The following CCR7 variants were observed in gnomAD, a reference collection of about 807,000 sequenced individuals.
The protein encoded by CCR7 is C-C motif chemokine receptor 7, also known as C-C chemokine receptor type 7.
Under a neutral mutation model 26.0 loss-of-function variants are expected in CCR7, and 11 were observed. That is an observed-to-expected ratio of 0.42 (90% CI 0.27 to 0.70). CCR7 has a LOEUF of 0.70. Among genes scored for constraint, CCR7 ranks in the 30% least tolerant of loss-of-function variants. The probability of loss-of-function intolerance (pLI) is 0.23; values close to 1 mark genes in which losing one functional copy is unlikely to be tolerated. For missense variants in CCR7, 360 were observed against 504.0 expected (o/e 0.71, Z 2.74); for synonymous variants, 189 against 202.1 (o/e 0.94, Z 0.55).
At position 40,554,892 on chromosome 17, in the gene CCR7, G is replaced by T; in HGVS notation, c.987C>A (p.Ile329=). The change falls in exon 3 of 3, where the codon ATC becomes ATA. Residue 329 remains isoleucine, a synonymous_variant. Coordinates refer to ENST00000246657, the MANE Select transcript of CCR7 (RefSeq NM_001838.4). The part of the protein sequence containing the change: ...CCVNPFLYAF[I]GVKFRNDLFK... ...AGAGATCGTTGCGGAACTTGACGCC[G>T]ATGAAGGCGTACAAGAAAGGGTTGA... 6.2e-7 allele frequency: 1 copy of T among 1,614,206 alleles called. No individual in the cohort carries two copies. The highest frequency in any genetic ancestry group is 8.5e-7 in the Non-Finnish European group (1 of 1,180,026).
rs1264929114 is a variant in CCR7 at position 40,555,339 on chromosome 17, C to A, written c.540G>T (p.Val180=). The A allele has an allele frequency of 1.9e-6, 3 of 1,614,150 alleles. 1 individual carries two copies. In the East Asian group the frequency reaches 6.7e-5, roughly 36 times the overall value. The change falls in exon 3 of 3, where the codon GTG becomes GTT. Residue 180 remains valine (V), a synonymous_variant. Coordinates refer to ENST00000246657, the MANE Select transcript of CCR7 (RefSeq NM_001838.4). The surrounding 1 kb of genome is among the most constrained non-coding windows in gnomAD (Gnocchi z 5.6). ...GCACTGTGGCTAGTATCCAGATGCC[C>A]ACACAGGACAGCTTGCTGATGAGAA... ...RVLLISKLSC[V]GIWILATVLS...
At chr17:40,565,336 C>G in intron 1 of CCR7, 64 bp downstream of exon 1, 1 of 1,428,716 alleles carries the variant, frequency 7.0e-7, no homozygotes, top group Non-Finnish European at 9.9e-7. Flanking sequence ...CCCCATTCCA[C>G]AGGGTCAGTC....
In CCR7 at chr17:40,555,722, C is replaced by A; in HGVS notation, c.157G>T (p.Val53Leu). The change falls in exon 3 of 3, where the codon GTG (valine) becomes TTG (leucine). Residue 53 changes from valine (V) to leucine (L), a missense_variant. Physicochemically the swap from Val to Leu is conservative, Grantham distance 32. Transcript: ENST00000246657. The surrounding 1 kb of genome is among the most constrained non-coding windows in gnomAD (Gnocchi z 5.6). Reference sequence around the variant, plus strand: ...AGGAACCAGGCTTTAAAGTTCCGCACGTCCTTCTTGGAGCACAAAGACTCG... The same window carrying A: ...AGGAACCAGGCTTTAAAGTTCCGCAAGTCCTTCTTGGAGCACAAAGACTCG... ...LFESLCSKKDVRNFKAWFLPI... is the reference protein window; with the variant it reads ...LFESLCSKKDLRNFKAWFLPI... 6.2e-7 allele frequency: 1 copy of A among 1,614,136 alleles called. No homozygotes were observed. The highest frequency in any genetic ancestry group is 8.5e-7 in the Non-Finnish European group (1 of 1,180,026).
Position 40,555,530 on chromosome 17 carries a change from T to C in CCR7, c.349A>G (p.Ser117Gly), listed in dbSNP as rs1322548567. ...FLLTLPFWAYSAAKSWVFGVH... is the reference protein window; with the variant it reads ...FLLTLPFWAYGAAKSWVFGVH... The stretch of plus-strand genomic sequence containing the variant: ...CCGAAGACCCAGGACTTGGCCGCGC[T>C]GTAGGCCCAGAAGGGAAGGGTCAGG... The change falls in exon 3 of 3, where the codon AGC (serine) becomes GGC (glycine). Residue 117 changes from serine to glycine, a missense_variant. Transcript: ENST00000246657. The surrounding 1 kb of genome is among the most constrained non-coding windows in gnomAD (Gnocchi z 5.6). The C allele has an allele frequency of 6.2e-7, 1 of 1,614,084 alleles. No homozygotes were observed. Among genetic ancestry groups the C allele is most frequent in the African/African-American group, 1.3e-5 (1 of 75,024 alleles).
chr17:40,562,741 T>C (rs2036668010), intron 1 of CCR7, among the ~76,000 whole-genome samples: 1 of 152,012 alleles, frequency 6.6e-6, no homozygotes, highest in South Asian at 2.1e-4. Context: ...TACTCCACCC[T>C]CCCCTCCGCT....
At position 40,554,927 on chromosome 17, in the gene CCR7, G is replaced by A. The variant is rs371206760; in HGVS notation, c.952C>T (p.Arg318Cys). 3.1e-6 allele frequency: 5 copies of A among 1,614,110 alleles called. No individual in the cohort carries two copies. The highest frequency in any genetic ancestry group is 1.1e-5 in the South Asian group (1 of 91,090). Residue 318 changes from arginine to cysteine, a missense_variant, in exon 3 of 3, where the codon CGC becomes TGC. Coordinates refer to ENST00000246657, the MANE Select transcript of CCR7 (RefSeq NM_001838.4). ...YDVTYSLACV[R>C]CCVNPFLYAF... ...TACAAGAAAGGGTTGACGCAGCAGC[G>A]GACGCAGGCCAGGCTGTAGGTGACG...
intron 2 of CCR7, among the ~76,000 whole-genome samples, chr17:40,557,475 G>A (rs1487336645): frequency 1.3e-5 from 2 of 152,222 alleles, no homozygotes; most frequent in Non-Finnish European, 2.9e-5. Context: ...ACATGGTGAG[G>A]ACAAAATGAT....
intron 2 of CCR7, among the ~76,000 whole-genome samples, chr17:40,556,830 T>G (rs9902168): frequency 6.2e-4 from 94 of 152,234 alleles, no homozygotes; most frequent in Middle Eastern, 3.4e-3. Flanking sequence ...GGAAGGCAAA[T>G]GCTCCCATTT....
chr17:40,565,406 C>T lies in CCR7; in HGVS notation c.4G>A (p.Asp2Asn), dbSNP rs773702421. The T allele has an allele frequency of 1.2e-6, 2 of 1,613,438 alleles. No individual in the cohort carries two copies. Among genetic ancestry groups the T allele is most frequent in the Non-Finnish European group, 1.7e-6 (2 of 1,179,358 alleles). Residue 2 changes from aspartate (D) to asparagine (N), a missense_variant, in exon 1 of 3, where the codon GAC becomes AAC. Coordinates refer to ENST00000246657, the MANE Select transcript of CCR7 (RefSeq NM_001838.4). ...CATGAAGAGGCTCACTCACCCAGGT[C>T]CATGACGCTCTCTGGGCGGTAAAAC... M[D>N]LGKPMKSVLV...
Position 40,555,612 on chromosome 17 carries a change from G to C in CCR7, c.267C>G (p.Leu89=). 1.2e-6 allele frequency: 2 copies of C among 1,614,142 alleles called. No homozygotes were observed. Among genetic ancestry groups the C allele is most frequent in the East Asian group, 4.5e-5 (2 of 44,882 alleles). The change falls in exon 3 of 3, where the codon CTC becomes CTG. Residue 89 remains leucine (L), a synonymous_variant. Transcript: ENST00000246657. This position sits in a 1 kb window ranked among gnomAD's most constrained non-coding sequence, Gnocchi z 5.6. ...GCAGGTAGGTATCGGTCATGGTCTTGAGCCTCTTGAAATAGATATAGGTCA... is the reference window on the plus strand; with the variant it reads ...GCAGGTAGGTATCGGTCATGGTCTTCAGCCTCTTGAAATAGATATAGGTCA... ...VVLTYIYFKR[L]KTMTDTYLLN...
At chr17:40,556,974 A>G (rs1368852955) in intron 2 of CCR7, among the ~76,000 whole-genome samples, 1 of 152,092 alleles carries the variant, frequency 6.6e-6, no homozygotes, top group Non-Finnish European at 1.5e-5. Flanking sequence ...AAGTGCCATA[A>G]ACTCCGTGAA....
intron 2 of CCR7, among the ~76,000 whole-genome samples, chr17:40,557,587 G>A (rs1041746714): frequency 2.0e-5 from 3 of 152,198 alleles, no homozygotes; most frequent in African/African-American, 7.2e-5. Flanking sequence ...GAGCCCTGAA[G>A]GAGGCTGCTG....
In CCR7 at chr17:40,565,452, G is replaced by A. The variant is rs751326402; in HGVS notation, c.-43C>T. On this transcript the variant is annotated 5_prime_UTR_variant, in exon 1 of 3. Transcript: ENST00000246657. ...AAAACCACACAGGAAGGCTGTGCCCGGCCTCGCACTACCCCTGTCTGGGGA... is the reference window on the plus strand; with the variant it reads ...AAAACCACACAGGAAGGCTGTGCCCAGCCTCGCACTACCCCTGTCTGGGGA... The A allele has an allele frequency of 6.2e-6, 10 of 1,606,496 alleles. No homozygotes were observed. The highest frequency in any genetic ancestry group is 2.2e-5 in the East Asian group (1 of 44,852).
At chr17:40,564,427 C>T (rs2036686353) in intron 1 of CCR7, among the ~76,000 whole-genome samples, 1 of 152,164 alleles carries the variant, frequency 6.6e-6, no homozygotes, top group Non-Finnish European at 1.5e-5. Context: ...ACCAGGGAAC[C>T]TTCACTTTTT....
intron 1 of CCR7, among the ~76,000 whole-genome samples, chr17:40,564,175 CA>C (rs1177333195): frequency 6.6e-6 from 1 of 152,114 alleles, no homozygotes; most frequent in Non-Finnish European, 1.5e-5. Flanking sequence ...AAGAGATTTT[CA>C]AAAACTAAAC....
At position 40,558,934 on chromosome 17, in the gene CCR7, T is replaced by A; in HGVS notation, c.19A>T (p.Met7Leu). 1 of 1,611,936 alleles carries A rather than the reference T, an allele frequency of 6.2e-7. No homozygotes were observed. Among genetic ancestry groups the A allele is most frequent in the Non-Finnish European group, 8.5e-7 (1 of 1,179,134 alleles). Residue 7 changes from methionine (M) to leucine (L), a missense_variant, in exon 2 of 3, where the codon ATG (methionine) becomes TTG (leucine). Transcript: ENST00000246657. ...AGAGCCACCACCAGCACGCTTTTCA[T>A]TGGTTTCCCTGTAGGAGACAAGGCG... MDLGKP[M>L]KSVLVVALLV...
At chr17:40,562,064 G>A (rs1286104663) in intron 1 of CCR7, among the ~76,000 whole-genome samples, 1 of 152,126 alleles carries the variant, frequency 6.6e-6, no homozygotes, top group Non-Finnish European at 1.5e-5. Flanking sequence ...ATTTACCAAT[G>A]AGAAACTGAA....
At chr17:40,557,657 G>C (rs770685705) in intron 2 of CCR7, among the ~76,000 whole-genome samples, 13 of 152,342 alleles carry the variant, frequency 8.5e-5, no homozygotes, top group Non-Finnish European at 1.6e-4. Context: ...TGGACATGAG[G>C]GGGTCTCAGC....
At chr17:40,561,063 T>G (rs2036650584) in intron 1 of CCR7, 1 of 152,220 alleles carries the variant, frequency 6.6e-6, no homozygotes, top group South Asian at 2.1e-4. Flanking sequence ...TCGGTTACTC[T>G]AGAGAAAGCC....
Sources: gnomAD v4.1 joint callset for allele counts (sites outside exome capture counted in the v4.1 genomes callset) on GRCh38, gnomAD v4.1.1 for gene constraint, Gnocchi (gnomAD v3.1) non-coding constraint, MANE v1.5 for transcripts, NCBI Gene and HGNC (gene_info 2026-07-23, HGNC 2026-07-21) for gene names.